The following CMIP variants were observed in gnomAD, a reference collection of about 807,000 sequenced individuals.
CMIP encodes C-Maf-inducing protein.
A neutral mutation model predicts 97.3 loss-of-function variants in CMIP; 13 were observed. The ratio of observed to expected loss-of-function variants is 0.13; its 90% CI spans 0.09 to 0.21. The LOEUF (loss-of-function observed/expected upper bound fraction) is 0.21, where lower values mean the gene tolerates loss of function less well. Ranked by LOEUF, CMIP falls within the 10% of genes least tolerant of loss-of-function variation. The pLI is 1.00. For missense variants in CMIP, 847 were observed against 1,024.9 expected, an observed-to-expected ratio of 0.83 and a Z score of 2.37; for synonymous variants, 538 against 436.3, an observed-to-expected ratio of 1.23 and a Z score of -2.91.
rs1288757515 is a variant in CMIP, at chr16:81,706,983, C to G, written c.2198-31C>G. 3.1e-6 allele frequency: 5 copies of G among 1,604,242 alleles called. No individual in the cohort carries two copies. In the Admixed American group the frequency reaches 5.0e-5, roughly 16 times the overall value. ...ACCTTCATACCTTTGGGGCCTCGCT[C>G]TCCTAACAACTGTATCTGTCTCTTG... On this transcript the variant is annotated intron_variant, in intron 19 of 20. Coordinates refer to ENST00000537098, the MANE Select transcript of CMIP (RefSeq NM_198390.3).
intron 1 of CMIP, among the ~76,000 whole-genome samples, chr16:81,574,452 C>T (rs748228069): frequency 6.6e-6 from 1 of 152,254 alleles, no homozygotes; most frequent in Non-Finnish European, 1.5e-5. Flanking sequence ...CCCGAGTTCT[C>T]AGCTGGGTAC....
intron 1 of CMIP, among the ~76,000 whole-genome samples, chr16:81,489,248 A>G (rs2089368236): frequency 6.6e-6 from 1 of 152,032 alleles, no homozygotes; most frequent in African/African-American, 2.4e-5. Context: ...TTGAGGGGTG[A>G]GGGAGGGCTT....
chr16:81,532,301 G>A (rs909029990), intron 1 of CMIP, among the ~76,000 whole-genome samples: 1 of 152,266 alleles, frequency 6.6e-6, no homozygotes, highest in South Asian at 2.1e-4. Flanking sequence ...GTAGAAGTGT[G>A]TGTGCACCTG....
intron 13 of CMIP, among the ~76,000 whole-genome samples, chr16:81,694,051 A>G (rs548487459): frequency 3.8e-4 from 58 of 152,276 alleles, no homozygotes; most frequent in African/African-American, 1.4e-3. Context: ...TCTGATAGTA[A>G]CAGCACCAGC....
intron 1 of CMIP, among the ~76,000 whole-genome samples, chr16:81,479,664 A>G (rs1908140735): frequency 3.3e-5 from 5 of 152,124 alleles, no homozygotes; most frequent in African/African-American, 1.2e-4. Flanking sequence ...GGTGAGATTT[A>G]CATAACATAA....
chr16:81,707,309 C>G (rs1269059139), intron 20 of CMIP, among the ~76,000 whole-genome samples: 3 of 152,168 alleles, frequency 2.0e-5, no homozygotes, highest in East Asian at 3.8e-4. Flanking sequence ...GGGATGGTGC[C>G]TTTGATGAAG....
intron 20 of CMIP, 125 bp from the exon 21 acceptor site, chr16:81,709,621 C>T: frequency 9.5e-7 from 1 of 1,051,144 alleles, no homozygotes; most frequent in Non-Finnish European, 1.4e-6. Flanking sequence ...CCAGGTAGCC[C>T]ACAGCACCAA....
Position 81,445,457 on chromosome 16 carries a change from C to A in CMIP, c.216C>A (p.Leu72=). The change falls in exon 1 of 21, where the codon CTC becomes CTA. Residue 72 remains leucine (L), a synonymous_variant. Coordinates refer to ENST00000537098, the MANE Select transcript of CMIP (RefSeq NM_198390.3). ...VCVIRHPRTF[L]SKILTSKFLR... is the part of the protein sequence containing the mutation. ...TCATCCGGCACCCGCGGACCTTTCT[C>A]AGCAAGATCCTCACCTCGAAATTCC... 1 of 1,574,364 alleles carries A rather than the reference C, an allele frequency of 6.4e-7. No individual in the cohort carries two copies.
Position 81,675,083 on chromosome 16 carries a change from G to A in CMIP, c.1034+3013G>A, listed in dbSNP as rs144342518. On this transcript the variant is annotated intron_variant, in intron 9 of 20. Transcript: ENST00000537098. ...GGAGCGTTGGGGAGGTGATATTTAC[G>A]TTAATACCTCCTGGCTGTTCTCCAG... 5.6e-3 allele frequency among the ~76,000 whole-genome samples: 848 copies of A among 152,304 alleles called. 3 individuals carry two copies. The highest frequency in any genetic ancestry group is 0.01 in the Middle Eastern group (3 of 294).
chr16:81,503,052 A>G (rs1482039029), intron 1 of CMIP, among the ~76,000 whole-genome samples: 1 of 152,140 alleles, frequency 6.6e-6, no homozygotes, highest in Non-Finnish European at 1.5e-5. Context: ...CTCCTCGTTG[A>G]TGTTTCATTA....
chr16:81,652,265 A>G lies in CMIP; in HGVS notation c.540A>G (p.Lys180=). ...SNPSRWEVVL[K]EIRTLVDMAL... The stretch of plus-strand genomic sequence containing the variant: ...CAAGCCGCTGGGAAGTTGTCTTGAA[A>G]GAGATCCGGACCCTGGTGGACATGG... Residue 180 remains lysine (K), a synonymous_variant, in exon 4 of 21, where the codon AAA becomes AAG. Transcript: ENST00000537098. The surrounding 1 kb of genome is among the most constrained non-coding windows in gnomAD (Gnocchi z 5.2). 1 of 1,613,780 alleles carries G rather than the reference A, an allele frequency of 6.2e-7. No individual in the cohort carries two copies. The highest frequency in any genetic ancestry group is 8.5e-7 in the Non-Finnish European group (1 of 1,179,664).
chr16:81,457,420 C>T (rs1315823111), intron 1 of CMIP, among the ~76,000 whole-genome samples: 2 of 152,136 alleles, frequency 1.3e-5, no homozygotes, highest in East Asian at 1.9e-4. Flanking sequence ...GGAAATCACC[C>T]GTATTAACCA....
At chr16:81,545,916 G>A (rs867964820) in intron 1 of CMIP, among the ~76,000 whole-genome samples, 120 of 152,216 alleles carry the variant, frequency 7.9e-4, no homozygotes, top group African/African-American at 2.7e-3. Flanking sequence ...TGCTTCAAGC[G>A]GTGTCACCCC....
intron 1 of CMIP, among the ~76,000 whole-genome samples, chr16:81,455,752 G>T (rs569184850): frequency 1.2e-4 from 18 of 152,250 alleles, no homozygotes; most frequent in South Asian, 4.2e-4. Context: ...GCTCCTGGTG[G>T]GCTTTCCACT....
rs546469997 is a variant in CMIP at position 81,489,068 on chromosome 16, T to A, written c.300+43527T>A. The stretch of plus-strand genomic sequence containing the variant: ...TTATTCATTCATTTTTCAGTTTGAT[T>A]GTCTGCTTTGTCCTGGCCATACTCT... On this transcript the variant is annotated intron_variant, in intron 1 of 20. Transcript: ENST00000537098. 2.0e-5 allele frequency among the ~76,000 whole-genome samples: 3 copies of A among 152,320 alleles called. No individual in the cohort carries two copies. In the South Asian group the frequency reaches 6.2e-4, roughly 32 times the overall value.
At position 81,709,793 on chromosome 16, in the gene CMIP, CT is replaced by C; in HGVS notation, c.2317del (p.Trp773GlyfsTer21). ...AAGTGGACGTCCGCTACACCGAAGCCTGGTGAAGCTCCCAGCTCAAGGCAGG... is the reference window on the plus strand; with the variant it reads ...AAGTGGACGTCCGCTACACCGAAGCCGGTGAAGCTCCCAGCTCAAGGCAGG... ...KEVDVRYTEA[W>X] On this transcript the variant is annotated frameshift_variant, in exon 21 of 21. Transcript: ENST00000537098. LOFTEE classifies it high-confidence loss of function. The C allele has an allele frequency of 6.2e-7, 1 of 1,613,926 alleles. No homozygotes were observed. The highest frequency in any genetic ancestry group is 8.5e-7 in the Non-Finnish European group (1 of 1,179,840).
intron 15 of CMIP, 65 bp from the exon 16 acceptor site, chr16:81,701,595 G>T: frequency 6.2e-7 from 1 of 1,609,606 alleles, no homozygotes; most frequent in South Asian, 1.1e-5. Flanking sequence ...CCCTTGGGGT[G>T]CACAGAGTGT....
chr16:81,484,705 T>C (rs191668303), intron 1 of CMIP, among the ~76,000 whole-genome samples: 13 of 152,264 alleles, frequency 8.5e-5, no homozygotes, highest in Non-Finnish European at 2.9e-5. Flanking sequence ...GGAAACATTG[T>C]GCGCATCCAG....
intron 7 of CMIP, among the ~76,000 whole-genome samples, chr16:81,669,149 C>A (rs2092649560): frequency 7.9e-6 from 1 of 126,200 alleles, no homozygotes; most frequent in Non-Finnish European, 1.7e-5. Context: ...CTTCATACCT[C>A]CTTCCACACC....
Sources: allele counts gnomAD v4.1 joint callset (sites outside exome capture counted in the v4.1 genomes callset), GRCh38; gene constraint gnomAD v4.1.1; non-coding constraint Gnocchi (gnomAD v3.1); transcripts MANE v1.5; gene names NCBI Gene and HGNC (gene_info 2026-07-23, HGNC 2026-07-21).